The following RAPGEF6 variants were observed in gnomAD, a reference collection of about 807,000 sequenced individuals.
The protein encoded by RAPGEF6 is Rap guanine nucleotide exchange factor 6.
A neutral mutation model predicts 171.4 loss-of-function variants in RAPGEF6; 56 were observed. The ratio of observed to expected loss-of-function variants is 0.33; its 90% CI spans 0.26 to 0.41. The LOEUF (loss-of-function observed/expected upper bound fraction) is 0.41. Among genes scored for constraint, RAPGEF6 ranks in the 10% least tolerant of loss-of-function variants. The pLI is 1.00. For missense variants in RAPGEF6, 1,674 were observed against 1,921.4 expected (o/e 0.87, Z 2.41); for synonymous variants, 692 against 650.1 (o/e 1.06, Z -0.98).
chr5:131,455,561 C>T (rs188729152), intron 20 of RAPGEF6, among the ~76,000 whole-genome samples: 12 of 152,210 alleles, frequency 7.9e-5, no homozygotes, highest in Admixed American at 5.2e-4. Context: ...TCCAGCTGAG[C>T]AAATGGAATT....
intron 1 of RAPGEF6, among the ~76,000 whole-genome samples, chr5:131,626,143 A>T (rs1434651603): frequency 1.3e-5 from 2 of 152,160 alleles, no homozygotes; most frequent in East Asian, 3.9e-4. Flanking sequence ...AACATCTCAC[A>T]TCATGTACCA....
chr5:131,543,955 A>G (rs1202543778), intron 6 of RAPGEF6, among the ~76,000 whole-genome samples: 3 of 152,196 alleles, frequency 2.0e-5, no homozygotes, highest in Admixed American at 2.0e-4. Context: ...ACATGAAAAG[A>G]GGCTCAACAC....
intron 6 of RAPGEF6, among the ~76,000 whole-genome samples, chr5:131,535,267 T>C (rs533565299): frequency 2.0e-5 from 3 of 152,144 alleles, no homozygotes; most frequent in Non-Finnish European, 4.4e-5. Context: ...CCAAATTCCA[T>C]ACTCAACACG....
At chr5:131,509,000 T>G (rs762309878) in intron 8 of RAPGEF6, among the ~76,000 whole-genome samples, 2 of 152,218 alleles carry the variant, frequency 1.3e-5, no homozygotes, top group African/African-American at 4.8e-5. Flanking sequence ...CAAGGAATGT[T>G]CAAATACATT....
chr5:131,584,405 G>A (rs1763129596), intron 4 of RAPGEF6, among the ~76,000 whole-genome samples: 1 of 152,088 alleles, frequency 6.6e-6, no homozygotes, highest in Non-Finnish European at 1.5e-5. Context: ...CCTCTAAACT[G>A]CCCTCAATCA....
chr5:131,513,506 C>T (rs1757875624), intron 7 of RAPGEF6, among the ~76,000 whole-genome samples: 1 of 152,042 alleles, frequency 6.6e-6, no homozygotes, highest in Non-Finnish European at 1.5e-5. Context: ...AGATGGCTCA[C>T]AACATAAAAA....
chr5:131,472,138 C>T lies in RAPGEF6; in HGVS notation c.2239+449G>A, dbSNP rs536102249. 7.2e-4 allele frequency: 141 copies of T among 195,638 alleles called. 1 individual carries two copies. Among genetic ancestry groups the T allele is most frequent in the Non-Finnish European group, 9.8e-4 (94 of 95,742 alleles). 12.1% of individuals were successfully genotyped at this position (195,638 alleles called of 1,614,324 possible). A position where few individuals can be genotyped will look rare whatever the true frequency, so the allele number is the denominator to read the frequency against. ...CCAGGCTGGAGTGCAGTGGTCCGAT[C>T]TCGGCTCACTGCAAGCTCTGCCTCC... On this transcript the variant is annotated intron_variant, in intron 17 of 27. Transcript: ENST00000509018.
chr5:131,555,568 T>C (rs530032828), intron 5 of RAPGEF6, among the ~76,000 whole-genome samples: 1 of 152,120 alleles, frequency 6.6e-6, no homozygotes, highest in African/African-American at 2.4e-5. Context: ...ATATTAACTA[T>C]AATTATAAAT....
At chr5:131,585,008 G>GA (rs931418560) in intron 4 of RAPGEF6, among the ~76,000 whole-genome samples, 6 of 152,048 alleles carry the variant, frequency 3.9e-5, no homozygotes, top group Admixed American at 3.3e-4. Context: ...CTTTATTAAA[G>GA]AAAAAACAGA....
At chr5:131,539,324 C>G (rs1214054846) in intron 6 of RAPGEF6, among the ~76,000 whole-genome samples, 1 of 152,188 alleles carries the variant, frequency 6.6e-6, no homozygotes, top group Non-Finnish European at 1.5e-5. Context: ...ACAATGTTAA[C>G]AAGCTTCTTC....
intron 20 of RAPGEF6, among the ~76,000 whole-genome samples, chr5:131,453,953 G>T (rs1170377114): frequency 6.6e-6 from 1 of 152,174 alleles, no homozygotes; most frequent in Admixed American, 6.5e-5. Context: ...GAGGCAGTAA[G>T]ACTACATAAT....
intron 1 of RAPGEF6, among the ~76,000 whole-genome samples, chr5:131,609,563 T>C (rs183459700): frequency 2.0e-5 from 3 of 152,260 alleles, no homozygotes. Flanking sequence ...ACAATGACAC[T>C]AGATAGAGGC....
intron 4 of RAPGEF6, among the ~76,000 whole-genome samples, chr5:131,581,952 T>C (rs1389831694): frequency 3.3e-5 from 5 of 152,220 alleles, no homozygotes; most frequent in Non-Finnish European, 7.3e-5. Context: ...ATGTATTTTG[T>C]AACATCCTCC....
At chr5:131,431,625 T>G (rs1751716657) in intron 25 of RAPGEF6, among the ~76,000 whole-genome samples, 1 of 152,040 alleles carries the variant, frequency 6.6e-6, no homozygotes, top group South Asian at 2.1e-4. Context: ...ATATTTTTTT[T>G]TTTTTCGAGA....
chr5:131,563,874 A>G (rs191879649), intron 4 of RAPGEF6, among the ~76,000 whole-genome samples: 3 of 152,298 alleles, frequency 2.0e-5, no homozygotes, highest in East Asian at 3.9e-4. Flanking sequence ...CACCTAATAC[A>G]TTTAAAAAAG....
At chr5:131,555,448 T>TAG (rs2149958979) in intron 5 of RAPGEF6, among the ~76,000 whole-genome samples, 1 of 152,232 alleles carries the variant, frequency 6.6e-6, no homozygotes, top group African/African-American at 2.4e-5. Context: ...TGACATTTCC[T>TAG]ACTGACATTT....
At chr5:131,494,157 CTT>C (rs1446395812) in intron 13 of RAPGEF6, among the ~76,000 whole-genome samples, 1 of 152,200 alleles carries the variant, frequency 6.6e-6, no homozygotes, top group Non-Finnish European at 1.5e-5. Flanking sequence ...GAACTACTAT[CTT>C]TACAAATAAC....
intron 21 of RAPGEF6, chr5:131,450,164 A>C: frequency 8.8e-7 from 1 of 1,139,168 alleles, no homozygotes; most frequent in Non-Finnish European, 1.3e-6. Context: ...ACATTTTATC[A>C]GGAAAAAATT....
At chr5:131,427,337 T>C (rs374313326) in intron 27 of RAPGEF6, 46 bp from the exon 28 acceptor site, 4 of 1,470,174 alleles carry the variant, frequency 2.7e-6, no homozygotes, top group East Asian at 4.6e-5. Flanking sequence ...AGCATATTAA[T>C]GAGATCCTAA....
Sources: gnomAD v4.1 joint callset for allele counts (sites outside exome capture counted in the v4.1 genomes callset) on GRCh38, gnomAD v4.1.1 for gene constraint, MANE v1.5 for transcripts, NCBI Gene and HGNC (gene_info 2026-07-23, HGNC 2026-07-21) for gene names.